ASH1L: variants seen among roughly 807,000 people sequenced by gnomAD.
ASH1L encodes the protein histone-lysine N-methyltransferase ASH1L.
In ASH1L, 23 loss-of-function variants were observed where a neutral mutation model predicts 269.0. The observed-to-expected ratio is 0.09, with a 90% confidence interval of 0.06 to 0.12. The LOEUF is 0.12. ASH1L is among the 10% of genes least tolerant of loss of function. The pLI, the probability that ASH1L is intolerant of heterozygous loss-of-function variation, is 1.00. For missense variants in ASH1L, 2,912 were observed against 3,567.8 expected, an observed-to-expected ratio of 0.82 and a Z score of 4.68; for synonymous variants, 1,187 against 1,253.5, an observed-to-expected ratio of 0.95 and a Z score of 1.12.
intron 2 of ASH1L, among the ~76,000 whole-genome samples, chr1:155,493,174 A>T (rs1666927692): frequency 6.6e-6 from 1 of 152,212 alleles, no homozygotes; most frequent in Non-Finnish European, 1.5e-5. Context: ...TAGTTACAGA[A>T]TTGTGCAAAT....
intron 3 of ASH1L, among the ~76,000 whole-genome samples, chr1:155,465,719 G>A (rs72993469): frequency 1.6e-3 from 243 of 152,302 alleles, no homozygotes; most frequent in African/African-American, 5.7e-3. Context: ...ATTTGGGAAT[G>A]TGTGTTAAAC....
intron 5 of ASH1L, among the ~76,000 whole-genome samples, chr1:155,428,442 C>CAAA (rs35203262): frequency 2.1e-5 from 3 of 145,752 alleles, no homozygotes; most frequent in Non-Finnish European, 4.5e-5. Context: ...AATTCCGTCT[C>CAAA]AAAAAAAAAA....
Position 155,354,628 on chromosome 1 carries a change from T to C in ASH1L, c.7058A>G (p.Asn2353Ser), listed in dbSNP as rs771064214. ...GAATACATGATGCTTTAACACAAAG[T>C]TCCTGCAAGGAAGGAAAAAAAATCT... is the stretch of plus-strand genomic sequence containing the variant. ...QMKPMSNRERNFVLKHHVFLV... is the reference protein window; with the variant it reads ...QMKPMSNRERSFVLKHHVFLV... Residue 2353 changes from asparagine (N) to serine (S), a missense_variant and splice_region_variant, in exon 16 of 28, where the codon AAC becomes AGC. By Grantham distance (46) the Asn-to-Ser change is conservative. This residue lies in a region of ASH1L where 309 missense variants were observed against 435.1 expected (regional missense o/e 0.71). Transcript: ENST00000392403. 2 of 1,607,834 alleles carry C rather than the reference T, an allele frequency of 1.2e-6. No homozygotes were observed. Among genetic ancestry groups the C allele is most frequent in the East Asian group, 4.5e-5 (2 of 44,842 alleles).
intron 2 of ASH1L, among the ~76,000 whole-genome samples, chr1:155,503,243 T>C (rs1354221763): frequency 1.3e-5 from 2 of 152,248 alleles, no homozygotes; most frequent in African/African-American, 4.8e-5. Flanking sequence ...TTTTGTGCCT[T>C]CATATATATC....
intron 2 of ASH1L, among the ~76,000 whole-genome samples, chr1:155,492,963 A>C (rs981498398): frequency 9.2e-5 from 14 of 152,020 alleles, no homozygotes; most frequent in African/African-American, 3.1e-4. Flanking sequence ...AGCTGGGATC[A>C]CAGGAATGCA....
At position 155,370,647 on chromosome 1, in the gene ASH1L, G is replaced by A. The variant is rs199797169; in HGVS notation, c.6543C>T (p.Asn2181=). 1.9e-6 allele frequency: 3 copies of A among 1,613,912 alleles called. No individual in the cohort carries two copies. Among genetic ancestry groups the A allele is most frequent in the African/African-American group, 1.3e-5 (1 of 74,908 alleles). The change falls in exon 12 of 28, where the codon AAC becomes AAT. Residue 2181 remains asparagine (N), a synonymous_variant. Coordinates refer to ENST00000392403, the MANE Select transcript of ASH1L (RefSeq NM_018489.3). The part of the protein sequence containing the change: ...GEVVSEQEFR[N]RMIEQYHNHS... ...GATTATGATACTGCTCAATCATCCT[G>A]TTCCTAAAGAGAAGATAAATGATTG...
intron 3 of ASH1L, among the ~76,000 whole-genome samples, chr1:155,477,503 C>G (rs1262616178): frequency 1.1e-5 from 1 of 93,546 alleles, no homozygotes; most frequent in Non-Finnish European, 2.0e-5. Flanking sequence ...CCAGCATTAC[C>G]TTTTACCTCT....
intron 6 of ASH1L, among the ~76,000 whole-genome samples, chr1:155,406,165 C>T (rs568591622): frequency 6.8e-6 from 1 of 146,404 alleles, no homozygotes; most frequent in East Asian, 2.0e-4. Context: ...GATGGTGCCA[C>T]TGCACTCCAG....
Position 155,554,141 on chromosome 1 carries a change from G to A in ASH1L, c.-100+8012C>T, listed in dbSNP as rs530249797. Among the ~76,000 whole-genome samples the A allele has an allele frequency of 2.0e-5, 3 of 151,546 alleles. No homozygotes were observed. In the South Asian group the frequency reaches 6.3e-4, roughly 32 times the overall value. Reference sequence around the variant, plus strand: ...ACTCTGTCACACAGGCTGGAGTAGAGTGGTGCGATTACAGTTTACTGCAGC... The same window carrying A: ...ACTCTGTCACACAGGCTGGAGTAGAATGGTGCGATTACAGTTTACTGCAGC... On this transcript the variant is annotated intron_variant, in intron 1 of 27. Transcript: ENST00000392403.
rs575644417 is a variant in ASH1L at position 155,373,074 on chromosome 1, G to A, written c.6333-2091C>T. Among the ~76,000 whole-genome samples, 496 of 152,016 alleles carry A rather than the reference G, an allele frequency of 3.3e-3. 3 individuals carry two copies. The highest frequency in any genetic ancestry group is 0.012 in the African/African-American group (479 of 41,474). ...CTAAAAATACAAAAATTAGCTGGGC[G>A]TGGTGGTATGTGCCTATAGTCCCAG... On this transcript the variant is annotated intron_variant, in intron 10 of 27. Coordinates refer to ENST00000392403, the MANE Select transcript of ASH1L (RefSeq NM_018489.3).
rs547656258 is a variant in ASH1L at position 155,345,828 on chromosome 1, C to CTT, written c.7890+553_7890+554dup. ...GACCTCATGATCCACTGCACCCGGC[C>CTT]TTTTTTTTTTTTTTTTTCTAAGAGA... On this transcript the variant is annotated intron_variant, in intron 21 of 27. Coordinates refer to ENST00000392403, the MANE Select transcript of ASH1L (RefSeq NM_018489.3). 114 of 144,094 alleles carry CTT rather than the reference C, an allele frequency of 7.9e-4. 4 individuals carry two copies. The highest frequency in any genetic ancestry group is 3.1e-3 in the South Asian group (20 of 6,550). The allele number at this position is 144,094 out of a possible 1,614,324, so 8.9% of individuals were successfully genotyped here.
At chr1:155,437,942 G>A (rs1463439010) in intron 5 of ASH1L, among the ~76,000 whole-genome samples, 1 of 152,106 alleles carries the variant, frequency 6.6e-6, no homozygotes, top group Non-Finnish European at 1.5e-5. Flanking sequence ...GCAGCCTCCT[G>A]GATTCAAGCA....
chr1:155,468,935 A>C (rs1187942807), intron 3 of ASH1L, among the ~76,000 whole-genome samples: 1 of 152,198 alleles, frequency 6.6e-6, no homozygotes, highest in Non-Finnish European at 1.5e-5. Context: ...GTAAGGAAAA[A>C]GCAAATAATA....
intron 6 of ASH1L, among the ~76,000 whole-genome samples, chr1:155,411,708 T>C (rs528635631): frequency 2.0e-5 from 3 of 148,116 alleles, no homozygotes; most frequent in South Asian, 2.2e-4. Context: ...CCTCAGGAGA[T>C]AGAATCTCTC....
chr1:155,535,366 A>G (rs569734638), intron 1 of ASH1L, among the ~76,000 whole-genome samples: 34 of 151,516 alleles, frequency 2.2e-4, no homozygotes, highest in African/African-American at 8.0e-4. Context: ...CGCAGCTAAC[A>G]GGGGGCAAGC....
At chr1:155,373,149 G>A (rs978469633) in intron 10 of ASH1L, among the ~76,000 whole-genome samples, 13 of 151,358 alleles carry the variant, frequency 8.6e-5, no homozygotes, top group African/African-American at 2.2e-4. Flanking sequence ...TCCGGCGGAC[G>A]TTGCCGTGAG....
At chr1:155,339,253 AGTT>A in intron 26 of ASH1L, 72 bp downstream of exon 26, 1 of 1,288,292 alleles carries the variant, frequency 7.8e-7, no homozygotes, top group Non-Finnish European at 1.1e-6. Flanking sequence ...CTGAGTGGGT[AGTT>A]GTTTGTTTTC....
intron 4 of ASH1L, among the ~76,000 whole-genome samples, chr1:155,445,050 A>T (rs892877844): frequency 1.3e-5 from 2 of 152,094 alleles, no homozygotes; most frequent in African/African-American, 4.8e-5. Context: ...GGGGTATATG[A>T]TCTTTTTTGA....
intron 1 of ASH1L, among the ~76,000 whole-genome samples, chr1:155,551,936 A>G (rs918740104): frequency 6.6e-6 from 1 of 152,096 alleles, no homozygotes; most frequent in Non-Finnish European, 1.5e-5. Context: ...AGATCATGCC[A>G]TTGCACTCCA....
Sources: allele counts gnomAD v4.1 joint callset (sites outside exome capture counted in the v4.1 genomes callset), GRCh38; gene constraint gnomAD v4.1.1; regional missense constraint gnomAD v4.1.1; transcripts MANE v1.5; gene names NCBI Gene and HGNC (gene_info 2026-07-23, HGNC 2026-07-21).